The following TAFA2 variants were observed in gnomAD, a reference collection of about 807,000 sequenced individuals.
TAFA2 encodes the protein chemokine-like protein TAFA-2.
Under a neutral mutation model 18.8 loss-of-function variants are expected in TAFA2, and 7 were observed. The observed-to-expected ratio is 0.37, with a 90% CI of 0.21 to 0.70. The LOEUF (loss-of-function observed/expected upper bound fraction) is 0.70, where lower values mean the gene tolerates loss of function less well. Among genes scored for constraint, TAFA2 ranks in the 30% least tolerant of loss-of-function variants. The pLI is 0.53. For synonymous variants in TAFA2, 60 were observed against 54.2 expected (o/e 1.11, Z -0.47); for missense variants, 122 against 158.1 (o/e 0.77, Z 1.23).
intron 1 of TAFA2, among the ~76,000 whole-genome samples, chr12:62,085,143 T>C (rs138754233): frequency 6.6e-6 from 1 of 152,146 alleles, no homozygotes; most frequent in Non-Finnish European, 1.5e-5. Context: ...TTGCTTCATA[T>C]GTTAATAACA....
chr12:61,954,347 T>C (rs1878577416), intron 1 of TAFA2, among the ~76,000 whole-genome samples: 1 of 152,136 alleles, frequency 6.6e-6, no homozygotes, highest in Admixed American at 6.5e-5. Flanking sequence ...TTTAATCCAC[T>C]CAAGATTTTT....
At chr12:61,969,991 T>A (rs572338178) in intron 1 of TAFA2, among the ~76,000 whole-genome samples, 1 of 151,648 alleles carries the variant, frequency 6.6e-6, no homozygotes, top group Non-Finnish European at 1.5e-5. Flanking sequence ...GTTGGACTAT[T>A]AAGGAGCTTG....
intron 1 of TAFA2, among the ~76,000 whole-genome samples, chr12:62,042,542 G>T (rs926103737): frequency 2.6e-5 from 4 of 151,920 alleles, no homozygotes; most frequent in African/African-American, 9.7e-5. Context: ...CCTGAATTCT[G>T]TTCTAGTACC....
chr12:61,757,267 G>A (rs1415107008), intron 2 of TAFA2, among the ~76,000 whole-genome samples: 1 of 151,944 alleles, frequency 6.6e-6, no homozygotes, highest in African/African-American at 2.4e-5. Context: ...GTGTAGAGTT[G>A]ATTTGATTTA....
At chr12:61,931,060 G>T (rs997872512) in intron 1 of TAFA2, among the ~76,000 whole-genome samples, 1 of 152,160 alleles carries the variant, frequency 6.6e-6, no homozygotes, top group Non-Finnish European at 1.5e-5. Context: ...ATGCCATATA[G>T]CTAAAGAAAT....
intron 1 of TAFA2, among the ~76,000 whole-genome samples, chr12:62,179,393 T>G (rs2062536817): frequency 6.6e-6 from 1 of 152,156 alleles, no homozygotes; most frequent in African/African-American, 2.4e-5. Context: ...TGGAAGAATC[T>G]AAGTAACCAT....
chr12:61,847,546 A>C (rs1873457858), intron 2 of TAFA2, among the ~76,000 whole-genome samples: 4 of 152,210 alleles, frequency 2.6e-5, no homozygotes, highest in Admixed American at 2.6e-4. Context: ...GCGTGAGAGA[A>C]TTACGTTAGG....
intron 2 of TAFA2, among the ~76,000 whole-genome samples, chr12:61,759,547 A>C (rs2120783111): frequency 6.6e-6 from 1 of 152,180 alleles, no homozygotes; most frequent in East Asian, 1.9e-4. Context: ...CATGATGGGC[A>C]TATGAGTGAG....
chr12:62,256,096 C>T (rs964760646), intron 1 of TAFA2, among the ~76,000 whole-genome samples: 1 of 152,046 alleles, frequency 6.6e-6, no homozygotes, highest in Non-Finnish European at 1.5e-5. Context: ...TGGTGAAACC[C>T]TGTCTCTACT....
intron 1 of TAFA2, among the ~76,000 whole-genome samples, chr12:61,967,787 T>A (rs937191147): frequency 6.6e-6 from 1 of 151,838 alleles, no homozygotes; most frequent in East Asian, 1.9e-4. Flanking sequence ...GAAATTCCTG[T>A]TTTTGCATAA....
intron 1 of TAFA2, among the ~76,000 whole-genome samples, chr12:62,008,947 C>T (rs1258239645): frequency 6.6e-6 from 1 of 152,174 alleles, no homozygotes; most frequent in Non-Finnish European, 1.5e-5. Context: ...ATACTTGGAT[C>T]ATCTCAGATG....
At chr12:62,180,268 G>T (rs1245954808) in intron 1 of TAFA2, among the ~76,000 whole-genome samples, 1 of 152,178 alleles carries the variant, frequency 6.6e-6, no homozygotes, top group Non-Finnish European at 1.5e-5. Context: ...TACCACCGTA[G>T]CCATAGCTCA....
chr12:61,797,574 C>A (rs1005612000), intron 2 of TAFA2, among the ~76,000 whole-genome samples: 10 of 152,148 alleles, frequency 6.6e-5, no homozygotes, highest in Admixed American at 2.0e-4. Context: ...AATATAAAAC[C>A]ACAGATGGAG....
chr12:62,221,424 C>T (rs555053263), intron 1 of TAFA2, among the ~76,000 whole-genome samples: 26 of 152,208 alleles, frequency 1.7e-4, no homozygotes, highest in African/African-American at 5.5e-4. Flanking sequence ...GTAACAGATA[C>T]TAAGACTTAT....
rs1870465967 is a variant in TAFA2, at chr12:61,731,840, T to C, written c.385-21423A>G. Among the ~76,000 whole-genome samples the C allele has an allele frequency of 2.0e-5, 3 of 152,120 alleles. No individual in the cohort carries two copies. The South Asian group carries it at 6.2e-4, about 31-fold the overall frequency. ...GGGGAAAAGATTCTTAGTTTTGGGC[T>C]TCAAAACCAGTGAAACAGGTTATGT... On this transcript the variant is annotated intron_variant, in intron 4 of 4. Coordinates refer to ENST00000416284, the MANE Select transcript of TAFA2 (RefSeq NM_178539.5).
chr12:61,840,554 G>C (rs1171551683), intron 2 of TAFA2, among the ~76,000 whole-genome samples: 1 of 151,956 alleles, frequency 6.6e-6, no homozygotes. Context: ...TAGACAATAT[G>C]CCACACAGAT....
chr12:62,046,688 C>G (rs914701978), intron 1 of TAFA2, among the ~76,000 whole-genome samples: 6 of 151,966 alleles, frequency 3.9e-5, no homozygotes, highest in Non-Finnish European at 7.4e-5. Context: ...TTTCTAACTC[C>G]CTATGCCTTA....
chr12:61,897,082 T>C (rs2121308023), intron 1 of TAFA2, among the ~76,000 whole-genome samples: 1 of 152,252 alleles, frequency 6.6e-6, no homozygotes, highest in Middle Eastern at 3.4e-3. Context: ...AAGACAAATA[T>C]GAACCACTAC....
intron 1 of TAFA2, among the ~76,000 whole-genome samples, chr12:62,163,155 A>G (rs1231729089): frequency 1.3e-5 from 2 of 152,154 alleles, no homozygotes; most frequent in Admixed American, 6.6e-5. Context: ...CTGCTCGACT[A>G]CTAAAATAGA....
Sources: gnomAD v4.1 joint callset for allele counts (sites outside exome capture counted in the v4.1 genomes callset) on GRCh38, gnomAD v4.1.1 for gene constraint, MANE v1.5 for transcripts, NCBI Gene and HGNC (gene_info 2026-07-23, HGNC 2026-07-21) for gene names.